ITFG2: variants seen among roughly 807,000 people sequenced by gnomAD.
ITFG2 encodes integrin alpha FG-GAP repeat containing 2.
Under a neutral mutation model 54.4 loss-of-function variants are expected in ITFG2, and 36 were observed. The observed-to-expected ratio is 0.66, with a 90% CI of 0.51 to 0.87. The LOEUF is 0.87. ITFG2 is among the 40% of genes least tolerant of loss of function. ITFG2 has a pLI of 0.00. For synonymous variants in ITFG2, 211 were observed against 225.4 expected, an observed-to-expected ratio of 0.94 and a Z score of 0.57; for missense variants, 524 against 576.7, an observed-to-expected ratio of 0.91 and a Z score of 0.94.
At chr12:2,854,680 G>A (rs1025223861) in intron 2 of ITFG2, among the ~76,000 whole-genome samples, 1 of 152,112 alleles carries the variant, frequency 6.6e-6, no homozygotes. Context: ...CACCTGCATA[G>A]CTGTCCCCCA....
intron 1 of ITFG2, among the ~76,000 whole-genome samples, chr12:2,838,641 G>A (rs1212908509): frequency 3.3e-5 from 5 of 152,184 alleles, no homozygotes; most frequent in African/African-American, 1.2e-4. Context: ...TGTAGCTGTG[G>A]AGTAGGGAGA....
upstream of ITFG2, among the ~76,000 whole-genome samples, chr12:2,834,478 C>T (rs770511183): frequency 6.6e-6 from 1 of 152,172 alleles, no homozygotes; most frequent in African/African-American, 2.4e-5. Flanking sequence ...GGAACATCCC[C>T]GGTGAAGAGC....
chr12:2,842,123 T>TC (rs1297822213), intron 2 of ITFG2, among the ~76,000 whole-genome samples: 4 of 138,092 alleles, frequency 2.9e-5, no homozygotes, highest in Non-Finnish European at 6.3e-5. Flanking sequence ...CTTGTTTCTT[T>TC]TTTTTTTTTT....
At chr12:2,826,828 G>A (rs985320194), downstream of ITFG2, 7 of 296,598 alleles carry the variant, frequency 2.4e-5, no homozygotes, top group South Asian at 1.2e-4. Context: ...GGGAAGTTGA[G>A]TTGTGTTTGG....
chr12:2,817,231 A>G lies in ITFG2; in HGVS notation c.105A>G (p.Glu35=). ...LGDVDNDTLN[E]LVVGDTSGKV... ...TCTCTCTCCATTTGAAGTTAAATGA[A>G]CTGGTGGTGGGAGACACCAGCGGGA... Residue 35 remains glutamate, a synonymous_variant, in exon 2 of 12, where the codon GAA becomes GAG. Coordinates refer to ENST00000228799, the MANE Select transcript of ITFG2 (RefSeq NM_018463.4). The G allele has an allele frequency of 6.2e-7, 1 of 1,612,246 alleles. No individual in the cohort carries two copies. The highest frequency in any genetic ancestry group is 8.5e-7 in the Non-Finnish European group (1 of 1,178,466).
At chr12:2,813,382 G>A (rs188749914) in intron 1 of ITFG2, among the ~76,000 whole-genome samples, 5 of 152,338 alleles carry the variant, frequency 3.3e-5, no homozygotes, top group Non-Finnish European at 7.4e-5. Flanking sequence ...GGTGGTGGTG[G>A]TGGTGTTAGT....
downstream of ITFG2, chr12:2,827,142 C>G (rs963682706): frequency 3.7e-6 from 6 of 1,608,616 alleles, no homozygotes; most frequent in Non-Finnish European, 4.2e-6. The surrounding 1 kb of genome is among the most constrained non-coding windows in gnomAD (Gnocchi z 4.0). Context: ...CAAGAGCCCC[C>G]GTTCCCCACA....
chr12:2,854,401 G>A (rs1004710193), intron 2 of ITFG2, among the ~76,000 whole-genome samples: 1 of 152,228 alleles, frequency 6.6e-6, no homozygotes, highest in Non-Finnish European at 1.5e-5. Context: ...GTCGGTACCT[G>A]AGGCTCCCCC....
upstream of ITFG2, chr12:2,835,159 ATG>A (rs375198605): frequency 2.5e-3 from 2,757 of 1,098,056 alleles, 1 homozygote; most frequent in Middle Eastern, 2.8e-3. Context: ...GATGGGGCGT[ATG>A]TGTGTGTGTG....
At chr12:2,835,139 G>C, upstream of ITFG2, 1 of 1,434,890 alleles carries the variant, frequency 7.0e-7, no homozygotes, top group Non-Finnish European at 9.1e-7. Flanking sequence ...CCTGGTCAGA[G>C]CGGGCGGTGG....
chr12:2,832,572 C>T (rs1234745667), upstream of ITFG2, among the ~76,000 whole-genome samples: 2 of 151,812 alleles, frequency 1.3e-5, no homozygotes, highest in East Asian at 3.9e-4. Flanking sequence ...TCCAGGATAC[C>T]CTCTCTGAGT....
intron 2 of ITFG2, among the ~76,000 whole-genome samples, chr12:2,847,050 C>T (rs188909918): frequency 5.3e-5 from 8 of 152,286 alleles, no homozygotes; most frequent in Admixed American, 3.9e-4. Flanking sequence ...AGCATCCATT[C>T]ACCTTCCAGC....
At chr12:2,839,239 C>T (rs558905372) in intron 1 of ITFG2, among the ~76,000 whole-genome samples, 11 of 152,114 alleles carry the variant, frequency 7.2e-5, no homozygotes, top group African/African-American at 2.4e-4. Context: ...TACAGTGAGC[C>T]GAGATCATGC....
At chr12:2,813,956 T>A (rs1335771577) in intron 1 of ITFG2, among the ~76,000 whole-genome samples, 1 of 152,198 alleles carries the variant, frequency 6.6e-6, no homozygotes, top group East Asian at 1.9e-4. Context: ...TTTTTTGTTT[T>A]TTATAGAGAC....
In ITFG2 at chr12:2,824,372, C is replaced by T. The variant is rs77004826; in HGVS notation, c.*179C>T. 10 of 715,644 alleles carry T rather than the reference C, an allele frequency of 1.4e-5. No individual in the cohort carries two copies. The highest frequency in any genetic ancestry group is 4.5e-5 in the South Asian group (3 of 66,668). 44.3% of individuals were successfully genotyped at this position (715,644 alleles called of 1,614,324 possible). A position where few individuals can be genotyped will look rare whatever the true frequency, so the allele number is the denominator to read the frequency against. Reference sequence around the variant, plus strand: ...TGAACTATAGACCTCGCAGTCTTTTCGGTGAAAGAAGAGACAAGTTGACCC... The same window carrying T: ...TGAACTATAGACCTCGCAGTCTTTTTGGTGAAAGAAGAGACAAGTTGACCC... On this transcript the variant is annotated 3_prime_UTR_variant, in exon 12 of 12. Transcript: ENST00000228799.
chr12:2,828,573 C>G (rs1315043698), downstream of ITFG2, among the ~76,000 whole-genome samples: 2 of 152,204 alleles, frequency 1.3e-5, no homozygotes, highest in Non-Finnish European at 2.9e-5. Flanking sequence ...GGCGCGGTAG[C>G]TCACGCCTGT....
At chr12:2,829,878 G>T (rs1296144682), downstream of ITFG2, among the ~76,000 whole-genome samples, 1 of 152,038 alleles carries the variant, frequency 6.6e-6, no homozygotes, top group East Asian at 1.9e-4. Context: ...AGGAGTTTGA[G>T]ACCAGCCTGA....
rs1013949128 is a variant in ITFG2 at position 2,812,699 on chromosome 12, C to G, written c.-62C>G. The G allele has an allele frequency of 2.0e-6, 3 of 1,466,266 alleles. No individual in the cohort carries two copies. Among genetic ancestry groups the G allele is most frequent in the East Asian group, 2.3e-5 (1 of 43,352 alleles). 90.8% of individuals were successfully genotyped at this position (1,466,266 alleles called of 1,614,324 possible). Reference sequence around the variant, plus strand: ...GGTGGCCTTCCGCTCTGGCGGCTGTCGCGACGGGGGTTCAGGGAATATTTA... The same window carrying G: ...GGTGGCCTTCCGCTCTGGCGGCTGTGGCGACGGGGGTTCAGGGAATATTTA... On this transcript the variant is annotated 5_prime_UTR_variant, in exon 1 of 12. Coordinates refer to ENST00000228799, the MANE Select transcript of ITFG2 (RefSeq NM_018463.4).
intron 2 of ITFG2, among the ~76,000 whole-genome samples, chr12:2,842,604 C>T (rs1045232371): frequency 2.6e-5 from 4 of 152,004 alleles, no homozygotes; most frequent in South Asian, 2.1e-4. Context: ...TAGTGACATG[C>T]GCCTGTAGTT....
Sources: gnomAD v4.1 joint callset for allele counts (sites outside exome capture counted in the v4.1 genomes callset) on GRCh38, gnomAD v4.1.1 for gene constraint, Gnocchi (gnomAD v3.1) non-coding constraint, MANE v1.5 for transcripts, NCBI Gene and HGNC (gene_info 2026-07-23, HGNC 2026-07-21) for gene names.